VPS53: variants seen among roughly 807,000 people sequenced by gnomAD.
The protein encoded by VPS53 is VPS53 subunit of GARP complex, also known as vacuolar protein sorting-associated protein 53 homolog.
A neutral mutation model predicts 107.0 loss-of-function variants in VPS53; 70 were observed. That is an observed-to-expected ratio of 0.65 (90% CI 0.54 to 0.80). VPS53 has a LOEUF of 0.80. VPS53 is among the 30% of genes least tolerant of loss of function. The pLI is 0.00. For missense variants in VPS53, 917 were observed against 1,049.4 expected, an observed-to-expected ratio of 0.87 and a Z score of 1.74; for synonymous variants, 409 against 393.3, an observed-to-expected ratio of 1.04 and a Z score of -0.47.
intron 4 of VPS53, among the ~76,000 whole-genome samples, chr17:689,107 C>G (rs956893257): frequency 3.9e-5 from 6 of 152,132 alleles, no homozygotes; most frequent in African/African-American, 1.4e-4. Context: ...CCCTTTAATA[C>G]TAATACCAAT....
At chr17:592,166 T>A (rs890168099) in intron 12 of VPS53, among the ~76,000 whole-genome samples, 3 of 152,218 alleles carry the variant, frequency 2.0e-5, no homozygotes, top group African/African-American at 7.2e-5. Flanking sequence ...TCTCTTTTGA[T>A]CTTTGTTGGT....
At chr17:681,808 T>C (rs992483288) in intron 4 of VPS53, among the ~76,000 whole-genome samples, 1 of 152,202 alleles carries the variant, frequency 6.6e-6, no homozygotes, top group Middle Eastern at 3.2e-3. Flanking sequence ...CGGCATCTTC[T>C]ATGTGTCCTC....
chr17:608,150 C>T (rs891261959), intron 11 of VPS53, among the ~76,000 whole-genome samples: 1 of 152,200 alleles, frequency 6.6e-6, no homozygotes, highest in Non-Finnish European at 1.5e-5. Context: ...GGACTGCAAG[C>T]CCAGGGGTTC....
intron 4 of VPS53, among the ~76,000 whole-genome samples, chr17:695,348 G>A (rs1476379437): frequency 2.0e-5 from 3 of 152,136 alleles, no homozygotes; most frequent in Admixed American, 1.3e-4. Context: ...ATCTGAGCTG[G>A]TCCTTGGATG....
At chr17:540,167 G>C (rs895443647) in intron 17 of VPS53, among the ~76,000 whole-genome samples, 28 of 144,414 alleles carry the variant, frequency 1.9e-4, no homozygotes, top group African/African-American at 7.2e-4. Context: ...ATGAAACATA[G>C]TGATCAAGCA....
intron 17 of VPS53, among the ~76,000 whole-genome samples, chr17:546,212 G>A (rs1911175502): frequency 6.6e-6 from 1 of 152,048 alleles, no homozygotes; most frequent in Non-Finnish European, 1.5e-5. Flanking sequence ...ACTCGAAATG[G>A]ATTGAAGACC....
intron 12 of VPS53, among the ~76,000 whole-genome samples, chr17:597,628 C>G (rs1326588818): frequency 6.6e-6 from 1 of 152,116 alleles, no homozygotes; most frequent in Non-Finnish European, 1.5e-5. Context: ...CTGTAACCTC[C>G]GCCTCCCAAG....
intron 15 of VPS53, among the ~76,000 whole-genome samples, chr17:558,257 G>A (rs1016512536): frequency 1.3e-5 from 2 of 152,060 alleles, no homozygotes. Flanking sequence ...CACGAGGTCA[G>A]GAGATTGAGA....
At chr17:537,466 T>G in intron 17 of VPS53, 1 of 306,324 alleles carries the variant, frequency 3.3e-6, no homozygotes, top group South Asian at 4.5e-5. Flanking sequence ...AGCTACCCAC[T>G]CGTAAAGGAT....
Position 699,388 on chromosome 17 carries a change from A to G in VPS53, c.169-8T>C. On this transcript the variant is annotated splice_region_variant and splice_polypyrimidine_tract_variant and intron_variant, in intron 2 of 21. Coordinates refer to ENST00000437048, the MANE Select transcript of VPS53 (RefSeq NM_001128159.3). ...GTCTATGTTCGCCAGAGACTACAAT[A>G]AAGAAGGAAGAGTGCCCAGCTGTTA... 6.4e-7 allele frequency: 1 copy of G among 1,556,822 alleles called. No individual in the cohort carries two copies. Among genetic ancestry groups the G allele is most frequent in the Admixed American group, 2.1e-5 (1 of 48,372 alleles).
At chr17:609,669 C>A (rs1968751473) in intron 11 of VPS53, among the ~76,000 whole-genome samples, 1 of 152,046 alleles carries the variant, frequency 6.6e-6, no homozygotes, top group South Asian at 2.1e-4. Context: ...GGAAGAGGAA[C>A]AGAAAGATGT....
intron 4 of VPS53, among the ~76,000 whole-genome samples, chr17:665,341 G>A (rs1177909700): frequency 6.6e-6 from 1 of 152,192 alleles, no homozygotes; most frequent in Non-Finnish European, 1.5e-5. Flanking sequence ...GGGAAGATGC[G>A]GTAAGAAGCC....
At chr17:694,302 T>TAATACGG (rs1972872143) in intron 4 of VPS53, among the ~76,000 whole-genome samples, 1 of 152,202 alleles carries the variant, frequency 6.6e-6, no homozygotes, top group Non-Finnish European at 1.5e-5. Flanking sequence ...TGTAACCTAT[T>TAATACGG]AATACGGGAT....
At chr17:645,644 A>G (rs375933984) in intron 7 of VPS53, among the ~76,000 whole-genome samples, 1 of 152,240 alleles carries the variant, frequency 6.6e-6, no homozygotes, top group African/African-American at 2.4e-5. Flanking sequence ...TAGGTTTTAC[A>G]TCTAGGTTAC....
intron 13 of VPS53, among the ~76,000 whole-genome samples, chr17:585,337 A>T (rs1016715989): frequency 6.6e-6 from 1 of 152,250 alleles, no homozygotes; most frequent in Non-Finnish European, 1.5e-5. Flanking sequence ...TGGCCAGTAC[A>T]CACTGAGGTC....
intron 4 of VPS53, among the ~76,000 whole-genome samples, chr17:685,692 C>T (rs990180753): frequency 1.3e-5 from 2 of 152,016 alleles, no homozygotes; most frequent in Non-Finnish European, 2.9e-5. Flanking sequence ...AGTTAAGAAG[C>T]ATGTGTATGA....
chr17:649,768 T>G (rs1477389582), intron 7 of VPS53, among the ~76,000 whole-genome samples: 1 of 151,752 alleles, frequency 6.6e-6, no homozygotes, highest in African/African-American at 2.4e-5. Flanking sequence ...TTGTACACTG[T>G]AGGACAGAGA....
chr17:692,953 G>C (rs984138533), intron 4 of VPS53, among the ~76,000 whole-genome samples: 2 of 152,196 alleles, frequency 1.3e-5, no homozygotes, highest in Admixed American at 6.5e-5. Context: ...GACCAACATG[G>C]TGAAATCCCG....
chr17:554,127 A>T (rs1247401480), intron 15 of VPS53, among the ~76,000 whole-genome samples: 1 of 152,110 alleles, frequency 6.6e-6, no homozygotes, highest in African/African-American at 2.4e-5. Flanking sequence ...CACAATGGAA[A>T]CCTTTGGTGT....
Sources: gnomAD v4.1 joint callset for allele counts (sites outside exome capture counted in the v4.1 genomes callset) on GRCh38, gnomAD v4.1.1 for gene constraint, MANE v1.5 for transcripts, NCBI Gene and HGNC (gene_info 2026-07-23, HGNC 2026-07-21) for gene names.